The following SH2D3C variants were observed in gnomAD, a reference collection of about 807,000 sequenced individuals.
SH2D3C encodes SH2 domain-containing protein 3C.
In SH2D3C, 25 loss-of-function variants were observed where a neutral mutation model predicts 75.2. The ratio of observed to expected loss-of-function variants is 0.33; its 90% CI spans 0.24 to 0.46. SH2D3C has a LOEUF of 0.46. SH2D3C is among the 20% of genes least tolerant of loss of function. The probability of loss-of-function intolerance (pLI) is 1.00; values close to 1 mark genes in which losing one functional copy is unlikely to be tolerated. For missense variants in SH2D3C, 933 were observed against 1,165.3 expected, an observed-to-expected ratio of 0.80 and a Z score of 2.90; for synonymous variants, 450 against 473.7, an observed-to-expected ratio of 0.95 and a Z score of 0.65.
rs1845321039 is a variant in SH2D3C, at chr9:127,754,916, G to C, written c.556-3616C>G. 1.9e-6 allele frequency: 1 copy of C among 515,720 alleles called. No individual in the cohort carries two copies. The highest frequency in any genetic ancestry group is 1.6e-5 in the South Asian group (1 of 64,114). The allele number at this position is 515,720 out of a possible 1,614,324, so 31.9% of individuals were successfully genotyped here. ...GAGCGCCTGGGCGCCCAGAGGTGAG[G>C]CTGGGGTGACCCCGCCCCCTCCCCG... On this transcript the variant is annotated intron_variant, in intron 3 of 11. Coordinates refer to ENST00000314830, the MANE Select transcript of SH2D3C (RefSeq NM_170600.3). The surrounding 1 kb of genome is among the most constrained non-coding windows in gnomAD (Gnocchi z 4.4).
In SH2D3C at chr9:127,741,969, C is replaced by T; in HGVS notation, c.1917-10G>A. The T allele has an allele frequency of 1.2e-6, 2 of 1,601,842 alleles. No individual in the cohort carries two copies. The highest frequency in any genetic ancestry group is 1.1e-5 in the South Asian group (1 of 90,564). ...GGACATGGTGTGGAACCTGTCAGAG[C>T]GGCGGGGTCAGAGGCGGCGGGCTCG... On this transcript the variant is annotated splice_polypyrimidine_tract_variant and intron_variant, in intron 8 of 11. Coordinates refer to ENST00000314830, the MANE Select transcript of SH2D3C (RefSeq NM_170600.3).
intron 2 of SH2D3C, among the ~76,000 whole-genome samples, chr9:127,764,721 C>A (rs1845600880): frequency 6.6e-6 from 1 of 152,018 alleles, no homozygotes; most frequent in South Asian, 2.1e-4. Context: ...GTTGTTGTTG[C>A]TGTTGAGATG....
intron 3 of SH2D3C, among the ~76,000 whole-genome samples, chr9:127,756,881 C>T (rs994939757): frequency 6.6e-6 from 1 of 151,904 alleles, no homozygotes; most frequent in African/African-American, 2.4e-5. Context: ...ATCCGCCCAC[C>T]TCGGCCTCCC....
rs370316653 is a variant in SH2D3C, at chr9:127,774,030, C to G, written c.475G>C (p.Val159Leu). ...IRKPEVPTGD[V>L]EEERPPRDVH... Reference sequence around the variant, plus strand: ...TCCCTGGGAGGTCTCTCCTCTTCTACGTCTCCTGTGGGGACCTCAGGCTTT... The same window carrying G: ...TCCCTGGGAGGTCTCTCCTCTTCTAGGTCTCCTGTGGGGACCTCAGGCTTT... The change falls in exon 2 of 12, where the codon GTA becomes CTA. Residue 159 changes from valine to leucine, a missense_variant. Physicochemically the swap from Val to Leu is conservative, Grantham distance 32. Transcript: ENST00000314830. The surrounding 1 kb of genome is among the most constrained non-coding windows in gnomAD (Gnocchi z 4.3). The G allele has an allele frequency of 6.2e-7, 1 of 1,614,092 alleles. No individual in the cohort carries two copies. Among genetic ancestry groups the G allele is most frequent in the Non-Finnish European group, 8.5e-7 (1 of 1,179,928 alleles).
chr9:127,774,518 G>C lies in SH2D3C; in HGVS notation c.38-51C>G. 1.1e-6 allele frequency: 1 copy of C among 942,950 alleles called. No homozygotes were observed. The highest frequency in any genetic ancestry group is 1.4e-5 in the South Asian group (1 of 71,160). 58.4% of individuals were successfully genotyped at this position (942,950 alleles called of 1,614,324 possible). A position where few individuals can be genotyped will look rare whatever the true frequency, so the allele number is the denominator to read the frequency against. On this transcript the variant is annotated intron_variant, in intron 1 of 11. Coordinates refer to ENST00000314830, the MANE Select transcript of SH2D3C (RefSeq NM_170600.3). This position sits in a 1 kb window ranked among gnomAD's most constrained non-coding sequence, Gnocchi z 4.3. ...GAAGTTAATGACAATGTCAACATCA[G>C]TGATAATAATGAACAATTCCTGCAG...
rs1312768624 is a variant in SH2D3C, at chr9:127,742,758, T to A, written c.1916+91A>T. 1.2e-5 allele frequency: 11 copies of A among 920,194 alleles called. No homozygotes were observed. The Admixed American group carries it at 2.8e-4, about 23-fold the overall frequency. The allele number at this position is 920,194 out of a possible 1,614,324, so 57.0% of individuals were successfully genotyped here. A position where few individuals can be genotyped will look rare whatever the true frequency, so the allele number is the denominator to read the frequency against. On this transcript the variant is annotated intron_variant, in intron 8 of 11. Coordinates refer to ENST00000314830, the MANE Select transcript of SH2D3C (RefSeq NM_170600.3). ...GGCCAGAGCCCCCTGGGAGCCGAGC[T>A]GAGGCTGTGATTGGCCAACCCGCCC... is the stretch of plus-strand genomic sequence containing the variant.
chr9:127,775,985 C>T (rs748499557), intron 1 of SH2D3C, among the ~76,000 whole-genome samples: 14 of 152,082 alleles, frequency 9.2e-5, no homozygotes, highest in African/African-American at 1.4e-4. Flanking sequence ...CGTGCCACCA[C>T]GCCCAACTGG....
chr9:127,756,465 T>C (rs935440291), intron 3 of SH2D3C, among the ~76,000 whole-genome samples: 7 of 151,856 alleles, frequency 4.6e-5, no homozygotes, highest in African/African-American at 1.7e-4. Flanking sequence ...GGGCCTCAGT[T>C]GTTTGTTTGT....
intron 1 of SH2D3C, among the ~76,000 whole-genome samples, chr9:127,776,650 G>A (rs1246813064): frequency 6.6e-6 from 1 of 152,228 alleles, no homozygotes; most frequent in Admixed American, 6.5e-5. Context: ...CACCTCCTCA[G>A]CTGTTCGCAC....
chr9:127,767,442 C>T (rs558901273), intron 2 of SH2D3C: 31 of 389,244 alleles, frequency 8.0e-5, no homozygotes, highest in Non-Finnish European at 1.1e-4. Context: ...ATTCCCTGCT[C>T]TGTTCCTTAC....
chr9:127,769,421 T>A (rs1340740706), intron 2 of SH2D3C, among the ~76,000 whole-genome samples: 1 of 152,086 alleles, frequency 6.6e-6, no homozygotes, highest in Non-Finnish European at 1.5e-5. Flanking sequence ...GGCGGGCAGA[T>A]CACCTGAGGT....
At chr9:127,769,942 G>T (rs1461253286) in intron 2 of SH2D3C, among the ~76,000 whole-genome samples, 1 of 152,210 alleles carries the variant, frequency 6.6e-6, no homozygotes, top group Admixed American at 6.5e-5. Flanking sequence ...CTGGTTGTCA[G>T]CTGGTGATCA....
chr9:127,768,833 C>T (rs1845682758), intron 2 of SH2D3C, among the ~76,000 whole-genome samples: 1 of 151,928 alleles, frequency 6.6e-6, no homozygotes, highest in Admixed American at 6.6e-5. Context: ...CTACTGTTCC[C>T]CAAACATGCC....
chr9:127,757,626 TGATGATGATGATG>T (rs1845420948), intron 3 of SH2D3C, among the ~76,000 whole-genome samples: 9 of 125,600 alleles, frequency 7.2e-5, no homozygotes, highest in South Asian at 2.7e-4. Flanking sequence ...ATGATGATGA[TGATGATGATGATG>T]ATGATGATTA....
intron 2 of SH2D3C, chr9:127,771,067 A>G: frequency 1.4e-6 from 1 of 716,126 alleles, no homozygotes; most frequent in Non-Finnish European, 2.2e-6. Context: ...ACTGGCTTAG[A>G]AAAGTCCCTG....
At chr9:127,776,159 A>G (rs547498597) in intron 1 of SH2D3C, among the ~76,000 whole-genome samples, 1 of 152,146 alleles carries the variant, frequency 6.6e-6, no homozygotes, top group Non-Finnish European at 1.5e-5. Context: ...AATTTCTGAA[A>G]ATGATTCTGC....
intron 3 of SH2D3C, among the ~76,000 whole-genome samples, chr9:127,756,190 T>C (rs1312446633): frequency 6.6e-6 from 1 of 152,162 alleles, no homozygotes; most frequent in Non-Finnish European, 1.5e-5. Context: ...CAATCCCAGC[T>C]ACTCAGGAGG....
intron 2 of SH2D3C, among the ~76,000 whole-genome samples, chr9:127,769,484 AAC>A (rs527575342): frequency 1.6e-4 from 24 of 149,856 alleles, no homozygotes; most frequent in Admixed American, 2.7e-4. Flanking sequence ...CTCTACTAAA[AAC>A]ACACACACAC....
At chr9:127,762,499 A>G in intron 2 of SH2D3C, 2 of 470,704 alleles carry the variant, frequency 4.2e-6, no homozygotes, top group East Asian at 7.1e-5. Flanking sequence ...GTCTCAGCTG[A>G]TGTCAGTTTC....
Sources: allele counts gnomAD v4.1 joint callset (sites outside exome capture counted in the v4.1 genomes callset), GRCh38; gene constraint gnomAD v4.1.1; non-coding constraint Gnocchi (gnomAD v3.1); transcripts MANE v1.5; gene names NCBI Gene and HGNC (gene_info 2026-07-23, HGNC 2026-07-21).